The following TEX15 variants were observed in gnomAD, a reference collection of about 807,000 sequenced individuals.
TEX15 encodes testis-expressed protein 15.
TEX15 carries 171 observed loss-of-function variants against 237.3 expected under a neutral mutation model. The observed-to-expected ratio is 0.72, with a 90% CI of 0.64 to 0.82. The LOEUF is 0.82. Among genes scored for constraint, TEX15 ranks in the 40% least tolerant of loss-of-function variants. The pLI, the probability that TEX15 is intolerant of heterozygous loss-of-function variation, is 0.00. For missense variants in TEX15, 3,750 were observed against 3,646.5 expected, an observed-to-expected ratio of 1.03 and a Z score of -0.73; for synonymous variants, 1,338 against 1,269.8, an observed-to-expected ratio of 1.05 and a Z score of -1.14.
In TEX15 at chr8:30,843,892, T is replaced by C. The variant is rs139266516; in HGVS notation, c.6275A>G (p.His2092Arg). The change falls in exon 8 of 11, where the codon CAC (histidine) becomes CGC (arginine). Residue 2092 changes from histidine to arginine, a missense_variant. Physicochemically the swap from His to Arg is conservative, Grantham distance 29. Coordinates refer to ENST00000643185, the MANE Select transcript of TEX15 (RefSeq NM_001350162.2). ...TCGCAATGTTGGTTCACCTTCTAAG[T>C]GCCTTTTTTTGTTTTCAATGAATTG... The part of the protein sequence containing the change: ...TIQFIENKKR[H>R]LEGEPTLRSL... The C allele has an allele frequency of 1.9e-6, 3 of 1,612,768 alleles. No individual in the cohort carries two copies. Among genetic ancestry groups the C allele is most frequent in the East Asian group, 2.2e-5 (1 of 44,870 alleles).
In TEX15 at chr8:30,838,061, C is replaced by T; in HGVS notation, c.8223G>A (p.Arg2741=). The T allele has an allele frequency of 6.2e-7, 1 of 1,600,266 alleles. No homozygotes were observed. The highest frequency in any genetic ancestry group is 8.5e-7 in the Non-Finnish European group (1 of 1,175,600). Residue 2741 remains arginine, a splice_region_variant and synonymous_variant, in exon 10 of 11, where the codon AGG becomes AGA. Transcript: ENST00000643185. ...NREKATFKHP[R]TTGSHPKSEN... is the part of the protein sequence containing the mutation. The stretch of plus-strand genomic sequence containing the variant: ...CGCTTTTGGGATGAGATCCTGTAGT[C>T]CTATTAGGTGCAACACATACATAAA...
intron 7 of TEX15, among the ~76,000 whole-genome samples, chr8:30,855,837 C>A (rs575776087): frequency 2.0e-5 from 3 of 152,158 alleles, no homozygotes; most frequent in African/African-American, 7.2e-5. Context: ...GCAAAAAAGT[C>A]CAAAAACTAT....
chr8:30,849,260 C>G lies in TEX15; in HGVS notation c.907G>C (p.Asp303His). 1 of 1,535,210 alleles carries G rather than the reference C, an allele frequency of 6.5e-7. No homozygotes were observed. Among genetic ancestry groups the G allele is most frequent in the Non-Finnish European group, 8.7e-7 (1 of 1,146,678 alleles). ...TVAKRFGKGKDATVTFVHFKK... is the reference protein window; with the variant it reads ...TVAKRFGKGKHATVTFVHFKK... ...AAATGCACAAAGGTGACAGTAGCAT[C>G]TTTTCCTTTTCCAAATCTTTTGGCC... Residue 303 changes from aspartate to histidine, a missense_variant, in exon 8 of 11, where the codon GAT becomes CAT. By Grantham distance (81) the Asp-to-His change is moderately conservative. Coordinates refer to ENST00000643185, the MANE Select transcript of TEX15 (RefSeq NM_001350162.2).
intron 10 of TEX15, among the ~76,000 whole-genome samples, chr8:30,835,407 A>G (rs1296609851): frequency 6.6e-6 from 1 of 152,056 alleles, no homozygotes; most frequent in Admixed American, 6.5e-5. Context: ...AATAAAAATT[A>G]AAAATTATTA....
chr8:30,877,867 C>G (rs1304404654), intron 3 of TEX15, among the ~76,000 whole-genome samples: 1 of 152,086 alleles, frequency 6.6e-6, no homozygotes, highest in Non-Finnish European at 1.5e-5. Flanking sequence ...TTTTATCACA[C>G]GTAGATTTGT....
At chr8:30,833,776 T>C (rs557509583) in intron 10 of TEX15, among the ~76,000 whole-genome samples, 2 of 152,354 alleles carry the variant, frequency 1.3e-5, no homozygotes, top group South Asian at 2.1e-4. Flanking sequence ...GATGTGCTTA[T>C]AACATTGCAA....
In TEX15 at chr8:30,843,373, TAA is replaced by T. The variant is rs1309517365; in HGVS notation, c.6792_6793del (p.Tyr2265TrpfsTer8). The T allele has an allele frequency of 6.2e-7, 1 of 1,612,916 alleles. No homozygotes were observed. The highest frequency in any genetic ancestry group is 1.1e-5 in the South Asian group (1 of 91,030). On this transcript the variant is annotated frameshift_variant, in exon 8 of 11. Transcript: ENST00000643185. LOFTEE classifies it high-confidence loss of function. ...ATCAAAAAAGATATGTTCCAGACCA[TAA>T]AGAGATATTTTAACACGTACTGCCT... is the stretch of plus-strand genomic sequence containing the variant.
intron 7 of TEX15, among the ~76,000 whole-genome samples, chr8:30,856,437 T>C (rs1807914597): frequency 6.6e-6 from 1 of 151,830 alleles, no homozygotes; most frequent in Admixed American, 6.6e-5. Context: ...GCACCTGTAG[T>C]CCCAGCAACT....
rs1338101263 is a variant in TEX15 at position 30,843,981 on chromosome 8, T to C, written c.6186A>G (p.Lys2062=). The C allele has an allele frequency of 6.2e-7, 1 of 1,612,868 alleles. No homozygotes were observed. Among genetic ancestry groups the C allele is most frequent in the African/African-American group, 1.3e-5 (1 of 74,880 alleles). The change falls in exon 8 of 11, where the codon AAA becomes AAG. Residue 2062 remains lysine, a synonymous_variant. Coordinates refer to ENST00000643185, the MANE Select transcript of TEX15 (RefSeq NM_001350162.2). ...CAACAGCACATGGTTTTAATGTGTG[T>C]TTGCAATTATTCCACAGGTTTTGGT... ...LVDQNLWNNC[K]HTLKPCAVDT...
chr8:30,862,169 T>C (rs1460324563), intron 5 of TEX15, among the ~76,000 whole-genome samples: 1 of 152,110 alleles, frequency 6.6e-6, no homozygotes, highest in Non-Finnish European at 1.5e-5. Context: ...AATAAACCAA[T>C]TAATTCTTAG....
Position 30,875,102 on chromosome 8 carries a change from A to T in TEX15, c.137T>A (p.Val46Asp), listed in dbSNP as rs755327617. 21 of 1,238,378 alleles carry T rather than the reference A, an allele frequency of 1.7e-5. No individual in the cohort carries two copies. The highest frequency in any genetic ancestry group is 1.9e-5 in the Non-Finnish European group (19 of 989,482). The allele number at this position is 1,238,378 out of a possible 1,614,324, so 76.7% of individuals were successfully genotyped here. A position where few individuals can be genotyped will look rare whatever the true frequency, so the allele number is the denominator to read the frequency against. Residue 46 changes from valine to aspartate, a missense_variant and splice_region_variant, in exon 4 of 11, where the codon GTT (valine) becomes GAT (aspartate). Val to Asp is a radical substitution (Grantham distance 152, BLOSUM62 -3). Transcript: ENST00000643185. ...ATTGGTGTAACAAGGTGACAAGTAA[A>T]CTAAAGGTAGAAAAAGAGAAAGCAG... is the stretch of plus-strand genomic sequence containing the variant. ...IPKIRRTAEK[V>D]YLSPCYTNSR...
chr8:30,885,381 G>A (rs548018655), intron 3 of TEX15, among the ~76,000 whole-genome samples: 96 of 152,198 alleles, frequency 6.3e-4, no homozygotes, highest in Non-Finnish European at 1.2e-3. Flanking sequence ...GAGTTTCTCT[G>A]CATAAGCTCT....
At chr8:30,859,822 T>C in intron 6 of TEX15, 89 bp downstream of exon 6, 4 of 1,030,214 alleles carry the variant, frequency 3.9e-6, no homozygotes, top group Admixed American at 8.0e-5. Context: ...AATTAAGAGA[T>C]TTTCATTTAA....
At chr8:30,887,824 T>C (rs925714479) in intron 2 of TEX15, 3 of 150,188 alleles carry the variant, frequency 2.0e-5, no homozygotes, top group African/African-American at 7.3e-5. Flanking sequence ...CGCATATGTA[T>C]ATATTTCACT....
intron 10 of TEX15, among the ~76,000 whole-genome samples, chr8:30,834,777 G>A (rs1024458508): frequency 6.6e-6 from 1 of 152,156 alleles, no homozygotes; most frequent in African/African-American, 2.4e-5. Context: ...CCAGGCTAAA[G>A]TATTTGAATT....
In TEX15 at chr8:30,845,406, CT is replaced by C; in HGVS notation, c.4760del (p.Lys1587SerfsTer25). On this transcript the variant is annotated frameshift_variant, in exon 8 of 11. Transcript: ENST00000643185. LOFTEE classifies it high-confidence loss of function. The part of the protein sequence containing the change: ...AFLSSTSKYE[K>X]LEKHSANHNV... Reference sequence around the variant, plus strand: ...TATGATTTGCTGAATGTTTTTCAAGCTTTTCATATTTACTAGTGCTAGATAA... The same window carrying C: ...TATGATTTGCTGAATGTTTTTCAAGCTTTCATATTTACTAGTGCTAGATAA... 6.2e-7 allele frequency: 1 copy of C among 1,611,714 alleles called. No homozygotes were observed. The highest frequency in any genetic ancestry group is 8.5e-7 in the Non-Finnish European group (1 of 1,178,542).
Position 30,837,886 on chromosome 8 carries a change from C to T in TEX15, c.8398G>A (p.Asp2800Asn). 1 of 1,614,134 alleles carries T rather than the reference C, an allele frequency of 6.2e-7. No individual in the cohort carries two copies. Among genetic ancestry groups the T allele is most frequent in the Non-Finnish European group, 8.5e-7 (1 of 1,180,030 alleles). Residue 2800 changes from aspartate to asparagine, a missense_variant, in exon 10 of 11, where the codon GAC (aspartate) becomes AAC (asparagine). Coordinates refer to ENST00000643185, the MANE Select transcript of TEX15 (RefSeq NM_001350162.2). Reference sequence around the variant, plus strand: ...AAGTGATCAGATGAAACAGTTAAGTCTATTTTGCTTTCCGACTTTGATGCG... The same window carrying T: ...AAGTGATCAGATGAAACAGTTAAGTTTATTTTGCTTTCCGACTTTGATGCG... ...TCASKSESKI[D>N]LTVSSDHFSG...
intron 7 of TEX15, among the ~76,000 whole-genome samples, chr8:30,849,767 T>C (rs767393365): frequency 6.7e-6 from 1 of 149,812 alleles, no homozygotes; most frequent in Non-Finnish European, 1.5e-5. Flanking sequence ...GGTGTGGTGG[T>C]GGGCACCTGT....
Position 30,839,972 on chromosome 8 carries a change from TA to T in TEX15, c.8164-9del. ...GACATCTTTCATGTCTACCTGTGTT[TA>T]AAAGATACAAAGAAAATCTTCATTA... On this transcript the variant is annotated splice_polypyrimidine_tract_variant and intron_variant, in intron 8 of 10. Coordinates refer to ENST00000643185, the MANE Select transcript of TEX15 (RefSeq NM_001350162.2). 1 of 1,561,718 alleles carries T rather than the reference TA, an allele frequency of 6.4e-7. No individual in the cohort carries two copies. The highest frequency in any genetic ancestry group is 8.7e-7 in the Non-Finnish European group (1 of 1,152,072).
Sources: allele counts gnomAD v4.1 joint callset (sites outside exome capture counted in the v4.1 genomes callset), GRCh38; gene constraint gnomAD v4.1.1; transcripts MANE v1.5; gene names NCBI Gene and HGNC (gene_info 2026-07-23, HGNC 2026-07-21).